HECW2: variants seen among roughly 807,000 people sequenced by gnomAD.
HECW2 encodes E3 ubiquitin-protein ligase HECW2.
In HECW2, 61 loss-of-function variants were observed where a neutral mutation model predicts 175.2. The ratio of observed to expected loss-of-function variants is 0.35; its 90% CI spans 0.28 to 0.43. The LOEUF is 0.43. Among genes scored for constraint, HECW2 ranks in the 20% least tolerant of loss-of-function variants. HECW2 has a pLI of 1.00. For synonymous variants in HECW2, 671 were observed against 731.0 expected (o/e 0.92, Z 1.32); for missense variants, 1,524 against 2,000.5 (o/e 0.76, Z 4.54).
intron 2 of HECW2, among the ~76,000 whole-genome samples, chr2:196,374,726 T>C (rs575183756): frequency 6.6e-6 from 1 of 152,026 alleles, no homozygotes; most frequent in African/African-American, 2.4e-5. Context: ...CACAAAGTAT[T>C]ATCAACAACT....
At position 196,231,118 on chromosome 2, in the gene HECW2, G is replaced by T. The variant is rs149333744; in HGVS notation, c.3765-2864C>A. On this transcript the variant is annotated intron_variant, in intron 21 of 28. Coordinates refer to ENST00000644978, the MANE Select transcript of HECW2 (RefSeq NM_001348768.2). ...AAAAAAAAAAAAAAAAAAAAAAAAGGCCTTAACACTAGACCATACTTTTCC... is the reference window on the plus strand; with the variant it reads ...AAAAAAAAAAAAAAAAAAAAAAAAGTCCTTAACACTAGACCATACTTTTCC... 4.7e-4 allele frequency among the ~76,000 whole-genome samples: 38 copies of T among 81,428 alleles called. 1 individual carries two copies. In the East Asian group the frequency reaches 8.8e-3, roughly 19 times the overall value. The allele number at this position is 81,428 out of a possible 152,430, so 53.4% of individuals were successfully genotyped here.
intron 2 of HECW2, among the ~76,000 whole-genome samples, chr2:196,350,925 G>C (rs1296301668): frequency 6.6e-6 from 1 of 152,182 alleles, no homozygotes; most frequent in Non-Finnish European, 1.5e-5. Context: ...GATCTCCTTT[G>C]AGAAGTCTAC....
intron 2 of HECW2, among the ~76,000 whole-genome samples, chr2:196,380,437 A>T (rs552289894): frequency 6.6e-6 from 1 of 152,298 alleles, no homozygotes; most frequent in Admixed American, 6.5e-5. Flanking sequence ...TGCTATGCAC[A>T]TCTCTTTCTC....
chr2:196,345,736 A>C (rs532335872), intron 2 of HECW2, among the ~76,000 whole-genome samples: 48 of 152,206 alleles, frequency 3.2e-4, no homozygotes, highest in Non-Finnish European at 5.7e-4. Context: ...AAAACCACTC[A>C]GTGATTCAGA....
chr2:196,329,497 C>T, intron 5 of HECW2, 78 bp downstream of exon 5: 1 of 1,184,788 alleles, frequency 8.4e-7, no homozygotes, highest in Middle Eastern at 1.9e-4. Flanking sequence ...ATACGAAAGT[C>T]TGCAGAAAGA....
At chr2:196,549,475 G>C (rs1271388074) in intron 1 of HECW2, among the ~76,000 whole-genome samples, 2 of 152,036 alleles carry the variant, frequency 1.3e-5, no homozygotes, top group African/African-American at 2.4e-5. Context: ...TTTTACTCAA[G>C]ATATTTGTAA....
In HECW2 at chr2:196,396,962, A is replaced by G. The variant is rs573701709; in HGVS notation, c.292+36170T>C. ...CCATCTCTACTAAAAATACAAAAAA[A>G]AATAGCCAGGCGTGGTGGCGGGCAC... is the stretch of plus-strand genomic sequence containing the variant. On this transcript the variant is annotated intron_variant, in intron 2 of 28. Coordinates refer to ENST00000644978, the MANE Select transcript of HECW2 (RefSeq NM_001348768.2). 1.6e-3 allele frequency among the ~76,000 whole-genome samples: 251 copies of G among 152,130 alleles called. 1 individual carries two copies. Among genetic ancestry groups the G allele is most frequent in the African/African-American group, 5.6e-3 (232 of 41,490 alleles).
intron 2 of HECW2, among the ~76,000 whole-genome samples, chr2:196,427,300 G>A (rs1163369163): frequency 9.8e-5 from 10 of 101,972 alleles, no homozygotes; most frequent in African/African-American, 3.1e-4. Flanking sequence ...TTACATTTTC[G>A]TTATGCAAAA....
At chr2:196,349,790 C>A (rs1399448158) in intron 2 of HECW2, among the ~76,000 whole-genome samples, 2 of 152,022 alleles carry the variant, frequency 1.3e-5, no homozygotes, top group Non-Finnish European at 2.9e-5. Flanking sequence ...AACACACAAC[C>A]CTCTTCTACT....
intron 1 of HECW2, among the ~76,000 whole-genome samples, chr2:196,567,146 AC>A (rs1210458710): frequency 3.9e-5 from 6 of 152,304 alleles, no homozygotes; most frequent in African/African-American, 1.4e-4. Flanking sequence ...AGACTGGGGT[AC>A]AAATGTGGAT....
chr2:196,537,921 CTCTG>C (rs1343565037), intron 1 of HECW2, among the ~76,000 whole-genome samples: 3 of 152,218 alleles, frequency 2.0e-5, no homozygotes, highest in African/African-American at 7.2e-5. Context: ...GAACCTCCTA[CTCTG>C]TCTGTGGAGT....
At chr2:196,432,236 T>TC (rs1695736470) in intron 2 of HECW2, among the ~76,000 whole-genome samples, 1 of 151,918 alleles carries the variant, frequency 6.6e-6, no homozygotes, top group Non-Finnish European at 1.5e-5. Context: ...GATTTATTCG[T>TC]TAAAAAAAAA....
At chr2:196,589,625 A>G (rs976378256) in intron 1 of HECW2, among the ~76,000 whole-genome samples, 3 of 152,198 alleles carry the variant, frequency 2.0e-5, no homozygotes, top group African/African-American at 7.2e-5. Flanking sequence ...GAGCTTGGAA[A>G]CTAAGAGAAT....
chr2:196,237,353 T>C (rs373165589), intron 21 of HECW2, among the ~76,000 whole-genome samples: 1 of 152,092 alleles, frequency 6.6e-6, no homozygotes, highest in Non-Finnish European at 1.5e-5. Flanking sequence ...CCCAACTCTT[T>C]CCCCCAAGTC....
intron 1 of HECW2, among the ~76,000 whole-genome samples, chr2:196,521,460 T>A (rs944353597): frequency 3.3e-5 from 5 of 151,980 alleles, no homozygotes; most frequent in African/African-American, 9.7e-5. Flanking sequence ...CTTCATTTTA[T>A]TTTATTTTAT....
chr2:196,521,360 A>C (rs1688374878), intron 1 of HECW2, among the ~76,000 whole-genome samples: 1 of 151,710 alleles, frequency 6.6e-6, no homozygotes, highest in South Asian at 2.1e-4. Flanking sequence ...TTTATACAGA[A>C]AATTTCTAAT....
intron 15 of HECW2, among the ~76,000 whole-genome samples, chr2:196,278,295 C>G (rs1690053690): frequency 6.7e-6 from 1 of 148,436 alleles, no homozygotes. Context: ...GTCAAAAAAT[C>G]TTAAATTTCG....
intron 26 of HECW2, among the ~76,000 whole-genome samples, chr2:196,219,803 C>A (rs1687602021): frequency 6.6e-6 from 1 of 152,158 alleles, no homozygotes; most frequent in South Asian, 2.1e-4. Context: ...TCCTCACCAA[C>A]AATTAAGAGT....
At chr2:196,533,875 T>G (rs1209907137) in intron 1 of HECW2, among the ~76,000 whole-genome samples, 1 of 152,244 alleles carries the variant, frequency 6.6e-6, no homozygotes, top group Non-Finnish European at 1.5e-5. Flanking sequence ...TAAAATATAA[T>G]ACTAGCTTTC....
Sources: allele counts gnomAD v4.1 joint callset (sites outside exome capture counted in the v4.1 genomes callset), GRCh38; gene constraint gnomAD v4.1.1; transcripts MANE v1.5; gene names NCBI Gene and HGNC (gene_info 2026-07-23, HGNC 2026-07-21).